Variants in NLRP14 observed in about 807,000 individuals in gnomAD.
NLRP14 encodes the protein NACHT, LRR and PYD domains-containing protein 14.
NLRP14 carries 105 observed loss-of-function variants against 94.7 expected under a neutral mutation model. The ratio of observed to expected loss-of-function variants is 1.11; its 90% CI spans 0.95 to 1.30. The LOEUF (loss-of-function observed/expected upper bound fraction) is 1.30. NLRP14 is among the 50% of genes most tolerant of loss of function. The pLI is 0.00. For synonymous variants in NLRP14, 508 were observed against 459.9 expected, an observed-to-expected ratio of 1.10 and a Z score of -1.34; for missense variants, 1,362 against 1,254.1, an observed-to-expected ratio of 1.09 and a Z score of -1.30.
chr11:7,039,521 G>C (rs949615620), intron 2 of NLRP14, among the ~76,000 whole-genome samples, 193 bp from the exon 3 acceptor site: 1 of 152,134 alleles, frequency 6.6e-6, no homozygotes, highest in Non-Finnish European at 1.5e-5. Flanking sequence ...TCCTACTTCA[G>C]TGTTATCTGT....
At chr11:7,035,117 C>A (rs1852143197) in intron 1 of NLRP14, among the ~76,000 whole-genome samples, 1 of 150,668 alleles carries the variant, frequency 6.6e-6, no homozygotes, top group Admixed American at 6.7e-5. Context: ...CATGGTGAAA[C>A]CCTGTCTCTA....
chr11:7,030,258 T>C (rs1208504270), intron 1 of NLRP14, among the ~76,000 whole-genome samples: 1 of 152,236 alleles, frequency 6.6e-6, no homozygotes, highest in Non-Finnish European at 1.5e-5. Context: ...CTTAGAGCAG[T>C]TCTAGTCATG....
chr11:7,081,601 G>C, the NLRP14 span, among the ~76,000 whole-genome samples: 1 of 152,074 alleles, frequency 6.6e-6, no homozygotes, highest in Admixed American at 6.5e-5. Flanking sequence ...GATGGAGTTA[G>C]TTATGTCAAG....
the NLRP14 span, among the ~76,000 whole-genome samples, chr11:7,077,131 T>C: frequency 1.3e-5 from 2 of 152,304 alleles, no homozygotes; most frequent in East Asian, 3.9e-4. Context: ...CTTTTTACAT[T>C]TCTTTAATTG....
intron 4 of NLRP14, 111 bp from the exon 5 acceptor site, chr11:7,046,557 C>T (rs1852353026): frequency 2.0e-6 from 2 of 1,003,226 alleles, no homozygotes; most frequent in Non-Finnish European, 3.1e-6. Context: ...GCACTGGATG[C>T]TCTTGCCTTT....
chr11:7,058,419 C>T lies in NLRP14; in HGVS notation c.2602C>T (p.Gln868Ter), dbSNP rs748848609. 1.1e-5 allele frequency: 17 copies of T among 1,612,260 alleles called. No individual in the cohort carries two copies. Among genetic ancestry groups the T allele is most frequent in the Non-Finnish European group, 1.4e-5 (17 of 1,178,650 alleles). ...GGVKLMSDAL[Q>*]HAQCTLKSLV... The stretch of plus-strand genomic sequence containing the variant: ...AGTAAAGCTTATGAGTGATGCCCTG[C>T]AACATGCACAATGTACTCTGAAGAG... Residue 868 changes from glutamine (Q) to a stop codon, truncating the protein, a stop_gained, in exon 8 of 12, where the codon CAA becomes TAA. Coordinates refer to ENST00000299481, the MANE Select transcript of NLRP14 (RefSeq NM_176822.4). LOFTEE classifies it high-confidence loss of function.
intron 6 of NLRP14, among the ~76,000 whole-genome samples, chr11:7,054,457 C>T (rs746143752): frequency 1.4e-4 from 22 of 152,220 alleles, no homozygotes; most frequent in Non-Finnish European, 2.9e-4. Context: ...TCTCCACATC[C>T]TCACCAGTAT....
the NLRP14 span, among the ~76,000 whole-genome samples, chr11:7,080,603 A>G: frequency 1.3e-5 from 2 of 152,204 alleles, no homozygotes; most frequent in African/African-American, 2.4e-5. Context: ...CTCCCTAGCC[A>G]GAGCTATGGT....
Position 7,038,862 on chromosome 11 carries a change from A to G in NLRP14, c.276A>G (p.Lys92=). The G allele has an allele frequency of 6.2e-7, 1 of 1,613,490 alleles. No individual in the cohort carries two copies. The highest frequency in any genetic ancestry group is 8.5e-7 in the Non-Finnish European group (1 of 1,179,926). ...TGAAGGATCTGTGTGAGAGAGCGAAAGAAGAGATCAACTGTGAGTGATGCT... is the reference window on the plus strand; with the variant it reads ...TGAAGGATCTGTGTGAGAGAGCGAAGGAAGAGATCAACTGTGAGTGATGCT... ...MNLKDLCERA[K]EEINWSAQTI... is the part of the protein sequence containing the mutation. Residue 92 remains lysine, a synonymous_variant, in exon 2 of 12, where the codon AAA becomes AAG. Transcript: ENST00000299481.
intron 6 of NLRP14, among the ~76,000 whole-genome samples, chr11:7,054,504 T>C (rs1467560764): frequency 6.6e-6 from 1 of 152,174 alleles, no homozygotes; most frequent in Non-Finnish European, 1.5e-5. Context: ...TCATTTTTAC[T>C]GGAGTGAGGT....
chr11:7,089,853 C>G, the NLRP14 span: 5 of 1,612,344 alleles, frequency 3.1e-6, no homozygotes, highest in Admixed American at 8.3e-5. Context: ...CGATTACGGC[C>G]ACTCCAGTGT....
intron 1 of NLRP14, among the ~76,000 whole-genome samples, chr11:7,033,430 A>G (rs921096717): frequency 6.6e-6 from 1 of 152,232 alleles, no homozygotes; most frequent in African/African-American, 2.4e-5. Context: ...AATGAAGACA[A>G]TAAGGCAATT....
At chr11:7,050,524 T>C (rs2119650450) in intron 6 of NLRP14, among the ~76,000 whole-genome samples, 1 of 152,312 alleles carries the variant, frequency 6.6e-6, no homozygotes, top group Non-Finnish European at 1.5e-5. Context: ...AAACAAATAG[T>C]TACAGTAAGT....
chr11:7,044,007 C>A, intron 4 of NLRP14, 23 bp downstream of exon 4: 1 of 1,608,702 alleles, frequency 6.2e-7, no homozygotes, highest in Non-Finnish European at 8.5e-7. Context: ...GGGCCATTCC[C>A]TGGAAGTGCC....
chr11:7,031,795 T>G (rs1464927813), intron 1 of NLRP14, among the ~76,000 whole-genome samples: 2 of 152,184 alleles, frequency 1.3e-5, no homozygotes, highest in African/African-American at 4.8e-5. Context: ...GCCTGAAAAC[T>G]GCTTTGCAGG....
rs760043950 is a variant in NLRP14, at chr11:7,055,259, G to T, written c.2292-2418G>T. Among the ~76,000 whole-genome samples, 4 of 152,062 alleles carry T rather than the reference G, an allele frequency of 2.6e-5. No individual in the cohort carries two copies. The South Asian group carries it at 8.3e-4, about 32-fold the overall frequency. Reference sequence around the variant, plus strand: ...TGAAGCCTATCCTCTTAGTGGAAATGCTCCTTCTCTTGGCAATATCATTCC... The same window carrying T: ...TGAAGCCTATCCTCTTAGTGGAAATTCTCCTTCTCTTGGCAATATCATTCC... On this transcript the variant is annotated intron_variant, in intron 6 of 11. Transcript: ENST00000299481.
the NLRP14 span, among the ~76,000 whole-genome samples, chr11:7,085,524 A>C: frequency 6.6e-6 from 1 of 152,154 alleles, no homozygotes; most frequent in Non-Finnish European, 1.5e-5. Flanking sequence ...TAATGTCCTT[A>C]AGGTTCATCC....
Position 7,046,751 on chromosome 11 carries a change from A to G in NLRP14, c.2042A>G (p.Tyr681Cys), listed in dbSNP as rs768782641. 19 of 1,613,238 alleles carry G rather than the reference A, an allele frequency of 1.2e-5. No individual in the cohort carries two copies. Among genetic ancestry groups the G allele is most frequent in the Non-Finnish European group, 1.5e-5 (18 of 1,179,270 alleles). The change falls in exon 5 of 12, where the codon TAC becomes TGC. Residue 681 changes from tyrosine to cysteine, a missense_variant. Transcript: ENST00000299481. ...GAACACTTGAGAGAATTGGACCTGT[A>G]CCATAGCAACCTTGATAAATCAGCA... ...TNEHLRELDL[Y>C]HSNLDKSAMN...
At chr11:7,072,959 G>C (rs992682627), downstream of NLRP14, among the ~76,000 whole-genome samples, 1 of 152,084 alleles carries the variant, frequency 6.6e-6, no homozygotes, top group Non-Finnish European at 1.5e-5. Flanking sequence ...CAGAGGAAAA[G>C]GTTTACGAGT....
Sources: allele counts gnomAD v4.1 joint callset (sites outside exome capture counted in the v4.1 genomes callset), GRCh38; gene constraint gnomAD v4.1.1; transcripts MANE v1.5; gene names NCBI Gene and HGNC (gene_info 2026-07-23, HGNC 2026-07-21).